H3-3A: variants seen among roughly 807,000 people sequenced by gnomAD.
The protein encoded by H3-3A is histone H3.3.
For synonymous variants in H3-3A, 49 were observed against 61.4 expected (o/e 0.80, Z 0.95); for missense variants, 7 against 184.0 (o/e 0.04, Z 5.57).
Position 226,062,757 on chromosome 1 carries a change from C to T in H3-3A, c.-78C>T, listed in dbSNP as rs187973612. The T allele has an allele frequency of 4.0e-3, 677 of 169,734 alleles. 6 individuals carry two copies. Among genetic ancestry groups the T allele is most frequent in the African/African-American group, 0.015 (637 of 41,536 alleles). 10.5% of individuals were successfully genotyped at this position (169,734 alleles called of 1,614,324 possible). A position where few individuals can be genotyped will look rare whatever the true frequency, so the allele number is the denominator to read the frequency against. On this transcript the variant is annotated 5_prime_UTR_variant, in exon 1 of 4. Transcript: ENST00000366815. ...CAGCCGCCGCCGCGCCGCCGTCGCTCTCCAACGCCAGCGCCGCCTCTCGCT... is the reference window on the plus strand; with the variant it reads ...CAGCCGCCGCCGCGCCGCCGTCGCTTTCCAACGCCAGCGCCGCCTCTCGCT...
At chr1:226,068,139 T>G (rs1313233289) in intron 3 of H3-3A, among the ~76,000 whole-genome samples, 1 of 152,242 alleles carries the variant, frequency 6.6e-6, no homozygotes, top group Non-Finnish European at 1.5e-5. Context: ...GGTCATAAAT[T>G]AGTGTGGCAG....
chr1:226,071,208 T>C, intron 3 of H3-3A, 143 bp from the exon 4 acceptor site: 1 of 627,786 alleles, frequency 1.6e-6, no homozygotes, highest in Non-Finnish European at 2.8e-6. Flanking sequence ...GGTTGTAAAA[T>C]GTAAGCATTT....
intron 2 of H3-3A, among the ~76,000 whole-genome samples, chr1:226,065,444 T>C (rs1467096594): frequency 6.6e-6 from 1 of 152,244 alleles, no homozygotes; most frequent in Non-Finnish European, 1.5e-5. Flanking sequence ...TTGCTAAGAA[T>C]GCATTTTAAT....
At chr1:226,064,115 A>T (rs763910950) in intron 1 of H3-3A, 1 of 395,394 alleles carries the variant, frequency 2.5e-6, no homozygotes, top group Non-Finnish European at 4.7e-6. Context: ...TTGAGAGGTG[A>T]TTGATACTGC....
intron 3 of H3-3A, among the ~76,000 whole-genome samples, chr1:226,068,811 C>A (rs1309288158): frequency 6.6e-6 from 1 of 152,098 alleles, no homozygotes; most frequent in African/African-American, 2.4e-5. Flanking sequence ...ATTGTGAGTG[C>A]CAAGGAACTA....
intron 3 of H3-3A, 25 bp downstream of exon 3, chr1:226,065,834 A>C (rs778237759): frequency 6.5e-7 from 1 of 1,549,480 alleles, no homozygotes; most frequent in African/African-American, 1.4e-5. Context: ...GGGAAGACTC[A>C]GAGTTTGTAT....
At position 226,065,818 on chromosome 1, in the gene H3-3A, G is replaced by A. The variant is rs765854461; in HGVS notation, c.282+9G>A. 6.3e-6 allele frequency: 10 copies of A among 1,585,954 alleles called. No homozygotes were observed. The highest frequency in any genetic ancestry group is 1.7e-4 in the Middle Eastern group (1 of 6,032). Reference sequence around the variant, plus strand: ...CTATCGGTGCTTTGCAGGTAAAATGGTGGGTGGGAAGACTCAGAGTTTGTA... The same window carrying A: ...CTATCGGTGCTTTGCAGGTAAAATGATGGGTGGGAAGACTCAGAGTTTGTA... On this transcript the variant is annotated intron_variant, in intron 3 of 3. Coordinates refer to ENST00000366815, the MANE Select transcript of H3-3A (RefSeq NM_002107.7).
chr1:226,062,429 G>T (rs1320836994), upstream of H3-3A, among the ~76,000 whole-genome samples: 1 of 150,202 alleles, frequency 6.7e-6, no homozygotes, highest in African/African-American at 2.4e-5. Flanking sequence ...GGGGGCGGGG[G>T]CTGGCCGGGT....
chr1:226,070,752 G>A (rs1658089503), intron 3 of H3-3A, among the ~76,000 whole-genome samples: 2 of 144,792 alleles, frequency 1.4e-5, no homozygotes, highest in South Asian at 2.3e-4. Flanking sequence ...CAGCCTGGGC[G>A]ACAGAGTAAG....
intron 3 of H3-3A, among the ~76,000 whole-genome samples, chr1:226,070,878 A>G (rs1658096788): frequency 2.0e-5 from 3 of 152,270 alleles, no homozygotes; most frequent in African/African-American, 7.2e-5. Context: ...GAAGCATGTG[A>G]TAAAAACCAC....
chr1:226,066,619 T>G (rs577158968), intron 3 of H3-3A: 42 of 152,282 alleles, frequency 2.8e-4, no homozygotes, highest in African/African-American at 7.5e-4. Flanking sequence ...TATTTTATAT[T>G]GTGTGGTTGG....
intron 3 of H3-3A, 122 bp downstream of exon 3, chr1:226,065,931 C>T (rs899268123): frequency 1.5e-5 from 12 of 809,062 alleles, no homozygotes; most frequent in Middle Eastern, 2.2e-4. Context: ...GATATTGTTA[C>T]TTCACTGTTG....
intron 1 of H3-3A, among the ~76,000 whole-genome samples, chr1:226,063,633 A>G (rs1260028185): frequency 6.6e-6 from 1 of 152,142 alleles, no homozygotes; most frequent in African/African-American, 2.4e-5. Context: ...CGAAGGAGGC[A>G]AAACCAAAAG....
At chr1:226,071,230 C>A in intron 3 of H3-3A, 121 bp from the exon 4 acceptor site, 1 of 697,468 alleles carries the variant, frequency 1.4e-6, no homozygotes, top group Non-Finnish European at 2.4e-6. Flanking sequence ...GTAAAATTGT[C>A]AGCATCTTGC....
intron 1 of H3-3A, 35 bp from the exon 2 acceptor site, chr1:226,064,294 G>C (rs750560230): frequency 2.0e-5 from 31 of 1,519,854 alleles, no homozygotes; most frequent in Non-Finnish European, 2.7e-5. Flanking sequence ...TTTGGTAGTT[G>C]CATATGGTGA....
At chr1:226,061,974 T>C (rs1657719110), upstream of H3-3A, 1 of 152,084 alleles carries the variant, frequency 6.6e-6, no homozygotes, top group African/African-American at 2.4e-5. Context: ...CCAGGAGTCT[T>C]AGCGGATCAA....
intron 2 of H3-3A, among the ~76,000 whole-genome samples, chr1:226,065,120 T>C (rs995128547): frequency 4.6e-5 from 7 of 152,182 alleles, no homozygotes; most frequent in African/African-American, 1.7e-4. Context: ...AAAAAAAACT[T>C]TTCCACGTGG....
At chr1:226,070,999 T>C (rs1658103421) in intron 3 of H3-3A, among the ~76,000 whole-genome samples, 1 of 152,132 alleles carries the variant, frequency 6.6e-6, no homozygotes, top group African/African-American at 2.4e-5. Flanking sequence ...TTGGACATGA[T>C]TGCGTTTATA....
At chr1:226,068,474 T>A (rs911190029) in intron 3 of H3-3A, among the ~76,000 whole-genome samples, 3 of 152,228 alleles carry the variant, frequency 2.0e-5, no homozygotes, top group African/African-American at 7.2e-5. Flanking sequence ...AGGTGCCAGG[T>A]TAAGCAAAAT....
Sources: allele counts gnomAD v4.1 joint callset (sites outside exome capture counted in the v4.1 genomes callset), GRCh38; gene constraint gnomAD v4.1.1; transcripts MANE v1.5; gene names NCBI Gene and HGNC (gene_info 2026-07-23, HGNC 2026-07-21).